The following AKAIN1 variants were observed in gnomAD, a reference collection of about 807,000 sequenced individuals.
The protein encoded by AKAIN1 is A-kinase anchor protein inhibitor 1.
A neutral mutation model predicts 3.7 loss-of-function variants in AKAIN1; 3 were observed. That is an observed-to-expected ratio of 0.82 (90% confidence interval 0.37 to 2.12). The LOEUF is 2.12. AKAIN1 is among the 30% of genes most tolerant of loss of function. The pLI is 0.06. For synonymous variants in AKAIN1, 31 were observed against 30.8 expected, an observed-to-expected ratio of 1.01 and a Z score of -0.02; for missense variants, 82 against 82.7, an observed-to-expected ratio of 0.99 and a Z score of 0.03.
At chr18:5,192,385 T>TTTTCTTCCTTTC (rs1555611427) in intron 1 of AKAIN1, among the ~76,000 whole-genome samples, 2 of 107,074 alleles carry the variant, frequency 1.9e-5, no homozygotes, top group South Asian at 7.1e-4. Context: ...ACAGAGCTAA[T>TTTTCTTCCTTTC]TTTCTTTCTT....
chr18:5,183,437 T>G (rs2143024120), intron 1 of AKAIN1, among the ~76,000 whole-genome samples: 1 of 152,170 alleles, frequency 6.6e-6, no homozygotes, highest in Admixed American at 6.6e-5. Flanking sequence ...CAGCAAAAAT[T>G]TTCAAATGAT....
chr18:5,144,872 A>G lies in AKAIN1; in HGVS notation c.*690T>C, dbSNP rs901083733. On this transcript the variant is annotated 3_prime_UTR_variant, in exon 2 of 2. Transcript: ENST00000434239. ...TATTTTATTTAATCTTGAGAAAAGA[A>G]ATCCATAATATTCCCAAAAGATTTC... 2.6e-5 allele frequency among the ~76,000 whole-genome samples: 4 copies of G among 152,342 alleles called. No individual in the cohort carries two copies. In the South Asian group the frequency reaches 6.2e-4, roughly 24 times the overall value.
At chr18:5,192,712 G>A (rs1256372781) in intron 1 of AKAIN1, among the ~76,000 whole-genome samples, 1 of 151,902 alleles carries the variant, frequency 6.6e-6, no homozygotes, top group Admixed American at 6.6e-5. Flanking sequence ...AACTTGGTAT[G>A]GTTTCATTTA....
intron 1 of AKAIN1, among the ~76,000 whole-genome samples, chr18:5,195,148 GAA>G (rs5822849): frequency 2.0e-5 from 3 of 150,256 alleles, no homozygotes; most frequent in Non-Finnish European, 4.4e-5. Flanking sequence ...AAGAAGTGAT[GAA>G]AAAAAAAGTT....
Position 5,186,218 on chromosome 18 carries a change from C to G in AKAIN1, c.16+10820G>C, listed in dbSNP as rs150286221. 2.0e-3 allele frequency among the ~76,000 whole-genome samples: 299 copies of G among 152,120 alleles called. 4 individuals carry two copies. In the East Asian group the frequency reaches 0.045, roughly 23 times the overall value. On this transcript the variant is annotated intron_variant, in intron 1 of 1. Transcript: ENST00000434239. ...AGGGAACAACAGATACCAGGGCCTA[C>G]TTGAGGGTGGAGAGTGGGAGGAGGG...
chr18:5,145,452 T>C lies in AKAIN1; in HGVS notation c.*110A>G. On this transcript the variant is annotated 3_prime_UTR_variant, in exon 2 of 2. Transcript: ENST00000434239. ...GGCTAGTGTGAATTCATTCTACAGC[T>C]AGGTGCCGGTGACACTTCGGTTTGC... 2.5e-6 allele frequency: 2 copies of C among 801,756 alleles called. No individual in the cohort carries two copies. Among genetic ancestry groups the C allele is most frequent in the Middle Eastern group, 3.7e-4 (1 of 2,678 alleles). 49.7% of individuals were successfully genotyped at this position (801,756 alleles called of 1,614,324 possible). A position where few individuals can be genotyped will look rare whatever the true frequency, so the allele number is the denominator to read the frequency against.
intron 1 of AKAIN1, among the ~76,000 whole-genome samples, chr18:5,195,354 T>C (rs2071341786): frequency 6.6e-6 from 1 of 152,186 alleles, no homozygotes; most frequent in Non-Finnish European, 1.5e-5. Flanking sequence ...CCACTGTTCA[T>C]TACAGTGGCC....
intron 1 of AKAIN1, among the ~76,000 whole-genome samples, chr18:5,153,916 A>G (rs1234692075): frequency 6.6e-6 from 1 of 152,106 alleles, no homozygotes; most frequent in Non-Finnish European, 1.5e-5. Context: ...GGGGGCATAT[A>G]AGAAATCTCT....
At chr18:5,171,897 TA>T (rs1449685047) in intron 1 of AKAIN1, among the ~76,000 whole-genome samples, 2 of 152,142 alleles carry the variant, frequency 1.3e-5, no homozygotes, top group African/African-American at 2.4e-5. Flanking sequence ...CTCCCATGTT[TA>T]TTACAGTATG....
At chr18:5,184,168 A>G (rs1028555926) in intron 1 of AKAIN1, among the ~76,000 whole-genome samples, 4 of 152,168 alleles carry the variant, frequency 2.6e-5, no homozygotes, top group Non-Finnish European at 5.9e-5. Flanking sequence ...CACTCTGCAC[A>G]TGCCCCACAA....
rs2071045121 is a variant in AKAIN1 at position 5,145,691 on chromosome 18, C to T, written c.81G>A (p.Gln27=). ...KLQNASKQIV[Q]NAILQAVQQV... is the part of the protein sequence containing the mutation. ...GCTGCACAGCTTGCAGGATTGCATT[C>T]TGCACAATCTGTTTGCTGGCATTCT... Residue 27 remains glutamine (Q), a synonymous_variant, in exon 2 of 2, where the codon CAG becomes CAA. Transcript: ENST00000434239. 1 of 1,551,648 alleles carries T rather than the reference C, an allele frequency of 6.4e-7. No individual in the cohort carries two copies. The highest frequency in any genetic ancestry group is 2.0e-5 in the Admixed American group (1 of 50,990).
At chr18:5,174,184 A>T (rs534648111) in intron 1 of AKAIN1, among the ~76,000 whole-genome samples, 1 of 152,160 alleles carries the variant, frequency 6.6e-6, no homozygotes, top group African/African-American at 2.4e-5. Flanking sequence ...GGTGGGAACA[A>T]TCCTGAGGAC....
chr18:5,185,977 A>G (rs923056667), intron 1 of AKAIN1, among the ~76,000 whole-genome samples: 2 of 152,202 alleles, frequency 1.3e-5, no homozygotes, highest in African/African-American at 4.8e-5. Flanking sequence ...GTATATATAC[A>G]CCATGGAATA....
At position 5,196,512 on chromosome 18, in the gene AKAIN1, G is replaced by A. The variant is rs150146539; in HGVS notation, c.16+526C>T. 9.6e-4 allele frequency among the ~76,000 whole-genome samples: 147 copies of A among 152,366 alleles called. 1 individual carries two copies. Among genetic ancestry groups the A allele is most frequent in the Non-Finnish European group, 1.8e-3 (123 of 68,038 alleles). ...CTGCAGCCTCCGGTCGGAGTTTCAG[G>A]TCTAATTCCTTAAGAAGTATCGCTC... On this transcript the variant is annotated intron_variant, in intron 1 of 1. Transcript: ENST00000434239.
intron 1 of AKAIN1, among the ~76,000 whole-genome samples, chr18:5,184,503 C>G (rs1353147714): frequency 2.6e-5 from 4 of 152,020 alleles, no homozygotes; most frequent in African/African-American, 9.7e-5. Flanking sequence ...GTTCAGGATA[C>G]AAAATCCATG....
intron 1 of AKAIN1, among the ~76,000 whole-genome samples, chr18:5,168,876 AAAAGC>A (rs202188148): frequency 0.027 from 4,079 of 150,586 alleles, 182 homozygotes; most frequent in African/African-American, 0.096. Context: ...AAAAAAAAAA[AAAAGC>A]AAACAAACAA....
At chr18:5,182,473 G>A (rs2071263931) in intron 1 of AKAIN1, among the ~76,000 whole-genome samples, 1 of 151,960 alleles carries the variant, frequency 6.6e-6, no homozygotes, top group East Asian at 1.9e-4. Context: ...ATATCAGCAA[G>A]CTTGGATAAT....
intron 1 of AKAIN1, among the ~76,000 whole-genome samples, chr18:5,164,774 A>G (rs915902571): frequency 6.6e-6 from 1 of 152,062 alleles, no homozygotes; most frequent in Non-Finnish European, 1.5e-5. Flanking sequence ...GTCATTCTCT[A>G]TGCAAAGGCA....
In AKAIN1 at chr18:5,197,185, A is replaced by T. The variant is rs879131902; in HGVS notation, c.-132T>A. On this transcript the variant is annotated 5_prime_UTR_variant, in exon 1 of 2. Coordinates refer to ENST00000434239, the MANE Select transcript of AKAIN1 (RefSeq NM_001145194.2). The surrounding 1 kb of genome is among the most constrained non-coding windows in gnomAD (Gnocchi z 6.9). The stretch of plus-strand genomic sequence containing the variant: ...GCGGGCGGCGGGCGGGGCGGTCAGC[A>T]CCCCGGACAGCTCCCGCCGCTAGAT... 6.8e-7 allele frequency: 1 copy of T among 1,461,482 alleles called. No homozygotes were observed. Among genetic ancestry groups the T allele is most frequent in the Non-Finnish European group, 9.0e-7 (1 of 1,111,312 alleles). 90.5% of individuals were successfully genotyped at this position (1,461,482 alleles called of 1,614,324 possible). A position where few individuals can be genotyped will look rare whatever the true frequency, so the allele number is the denominator to read the frequency against.
Sources: gnomAD v4.1 joint callset for allele counts (sites outside exome capture counted in the v4.1 genomes callset) on GRCh38, gnomAD v4.1.1 for gene constraint, Gnocchi (gnomAD v3.1) non-coding constraint, MANE v1.5 for transcripts, NCBI Gene and HGNC (gene_info 2026-07-23, HGNC 2026-07-21) for gene names.